Variants in BIN1 observed in about 807,000 individuals in gnomAD.
The protein encoded by BIN1 is bridging integrator 1.
A neutral mutation model predicts 82.0 loss-of-function variants in BIN1; 53 were observed. The observed-to-expected ratio is 0.65, with a 90% CI of 0.52 to 0.81. The LOEUF (loss-of-function observed/expected upper bound fraction) is 0.81, where lower values mean the gene tolerates loss of function less well. Among genes scored for constraint, BIN1 ranks in the 40% least tolerant of loss-of-function variants. BIN1 has a pLI of 0.00. For missense variants in BIN1, 642 were observed against 784.4 expected (o/e 0.82, Z 2.17); for synonymous variants, 302 against 328.0 (o/e 0.92, Z 0.86).
intron 1 of BIN1, among the ~76,000 whole-genome samples, chr2:127,094,808 TGGCCCCA>T (rs1679379887): frequency 6.6e-6 from 1 of 152,202 alleles, no homozygotes; most frequent in Non-Finnish European, 1.5e-5. Flanking sequence ...CTTCTGAAGT[TGGCCCCA>T]GGCCAGAACA....
In BIN1 at chr2:127,068,053, C is replaced by A; in HGVS notation, c.612+110G>T. ...TCTCCCAGCAGAGGCCTTTGAAAAACCCTGCCCCAGCTGGGCTCAGATGCC... is the reference window on the plus strand; with the variant it reads ...TCTCCCAGCAGAGGCCTTTGAAAAAACCTGCCCCAGCTGGGCTCAGATGCC... On this transcript the variant is annotated intron_variant, in intron 7 of 18. Coordinates refer to ENST00000316724, the MANE Select transcript of BIN1 (RefSeq NM_139343.3). This position sits in a 1 kb window ranked among gnomAD's most constrained non-coding sequence, Gnocchi z 4.9. 1 of 1,162,110 alleles carries A rather than the reference C, an allele frequency of 8.6e-7. No individual in the cohort carries two copies. Among genetic ancestry groups the A allele is most frequent in the South Asian group, 1.3e-5 (1 of 76,110 alleles). The allele number at this position is 1,162,110 out of a possible 1,614,324, so 72.0% of individuals were successfully genotyped here. A position where few individuals can be genotyped will look rare whatever the true frequency, so the allele number is the denominator to read the frequency against.
At chr2:127,084,421 G>A (rs778647536) in intron 1 of BIN1, among the ~76,000 whole-genome samples, 1 of 152,150 alleles carries the variant, frequency 6.6e-6, no homozygotes, top group African/African-American at 2.4e-5. Context: ...GGGAGGTTTC[G>A]GACACGTCCT....
In BIN1 at chr2:127,076,592, A is replaced by T. The variant is rs777263940; in HGVS notation, c.165+34T>A. ...TTTCACCTGGCAGCCGAATTTTCAC[A>T]AACTCCCTAAGGCCAAGGGCCACCC... On this transcript the variant is annotated intron_variant, in intron 2 of 18. Coordinates refer to ENST00000316724, the MANE Select transcript of BIN1 (RefSeq NM_139343.3). The T allele has an allele frequency of 3.7e-6, 6 of 1,613,640 alleles. No homozygotes were observed. The African/African-American group carries it at 8.0e-5, about 22-fold the overall frequency.
intron 1 of BIN1, among the ~76,000 whole-genome samples, chr2:127,086,974 A>T (rs564695743): frequency 6.6e-6 from 1 of 152,288 alleles, no homozygotes; most frequent in Admixed American, 6.5e-5. Context: ...TGACTGAGGA[A>T]GCTGCCTGGC....
At chr2:127,077,783 AC>A (rs1344672915) in intron 1 of BIN1, among the ~76,000 whole-genome samples, 1 of 152,120 alleles carries the variant, frequency 6.6e-6, no homozygotes, top group Admixed American at 6.5e-5. Flanking sequence ...GGCGGGACAC[AC>A]CCGTCTGCAG....
chr2:127,050,381 G>A, intron 18 of BIN1, 40 bp downstream of exon 18: 1 of 1,605,678 alleles, frequency 6.2e-7, no homozygotes, highest in East Asian at 2.2e-5. Context: ...CAGGATGCCT[G>A]TGGTCCCCCT....
intron 1 of BIN1, among the ~76,000 whole-genome samples, chr2:127,102,164 G>A (rs537912317): frequency 9.2e-5 from 14 of 152,206 alleles, no homozygotes; most frequent in Non-Finnish European, 1.8e-4. Context: ...GTGCACGCCT[G>A]TGCATGCTGT....
chr2:127,105,448 C>A (rs1680928181), intron 1 of BIN1, among the ~76,000 whole-genome samples: 1 of 150,806 alleles, frequency 6.6e-6, no homozygotes, highest in African/African-American at 2.4e-5. Context: ...CCCCAGCCAG[C>A]TATTCCTGGG....
At chr2:127,074,266 A>G (rs1573672845) in intron 2 of BIN1, among the ~76,000 whole-genome samples, 1 of 151,604 alleles carries the variant, frequency 6.6e-6, no homozygotes, top group African/African-American at 2.4e-5. Context: ...CCTTCACCCC[A>G]TTCCTTCCTG....
chr2:127,096,500 C>T (rs549675516), intron 1 of BIN1, among the ~76,000 whole-genome samples: 13 of 152,344 alleles, frequency 8.5e-5, no homozygotes, highest in African/African-American at 2.9e-4. Context: ...ACTTGCCCAG[C>T]GCCACACAGC....
In BIN1 at chr2:127,053,534, C is replaced by T. The variant is rs370492816; in HGVS notation, c.1240-89G>A. 5.0e-5 allele frequency: 76 copies of T among 1,524,846 alleles called. No individual in the cohort carries two copies. The African/African-American group carries it at 8.3e-4, about 17-fold the overall frequency. 94.5% of individuals were successfully genotyped at this position (1,524,846 alleles called of 1,614,324 possible). ...AGTCCCCAGGGACCCTACCCCCGCTCGCCCCAGGCCATCCAGCCCAGCAGG... is the reference window on the plus strand; with the variant it reads ...AGTCCCCAGGGACCCTACCCCCGCTTGCCCCAGGCCATCCAGCCCAGCAGG... On this transcript the variant is annotated intron_variant, in intron 13 of 18. Coordinates refer to ENST00000316724, the MANE Select transcript of BIN1 (RefSeq NM_139343.3).
At chr2:127,099,942 T>C (rs1289919460) in intron 1 of BIN1, among the ~76,000 whole-genome samples, 1 of 151,424 alleles carries the variant, frequency 6.6e-6, no homozygotes, top group Non-Finnish European at 1.5e-5. Flanking sequence ...TAGCTGGGAT[T>C]ACAAGCGCCG....
At chr2:127,050,701 T>C in intron 17 of BIN1, 101 bp downstream of exon 17, 2 of 1,426,824 alleles carry the variant, frequency 1.4e-6, no homozygotes, top group East Asian at 2.3e-5. Context: ...TAGTAGCGCC[T>C]GCACAACTTT....
intron 13 of BIN1, 105 bp from the exon 14 acceptor site, chr2:127,053,550 G>A: frequency 6.9e-7 from 1 of 1,456,516 alleles, no homozygotes; most frequent in Non-Finnish European, 9.4e-7. Flanking sequence ...AGGCCATCCA[G>A]CCCAGCAGGC....
intron 1 of BIN1, among the ~76,000 whole-genome samples, chr2:127,089,157 G>T (rs1359405804): frequency 6.6e-6 from 1 of 152,150 alleles, no homozygotes; most frequent in African/African-American, 2.4e-5. Flanking sequence ...ACTCCCCAGG[G>T]TCACGCAGCC....
Position 127,070,023 on chromosome 2 carries a change from G to A in BIN1, c.383C>T (p.Thr128Met), listed in dbSNP as rs756882994. ...LVDQALLTMD[T>M]YLGQFPDIKS... is the part of the protein sequence containing the mutation. Reference sequence around the variant, plus strand: ...GATGTCGGGGAACTGGCCCAGGTACGTGTCCATGGTCAGCAGCGCCTGGTC... The same window carrying A: ...GATGTCGGGGAACTGGCCCAGGTACATGTCCATGGTCAGCAGCGCCTGGTC... Residue 128 changes from threonine to methionine, a missense_variant, in exon 5 of 19, where the codon ACG becomes ATG. Coordinates refer to ENST00000316724, the MANE Select transcript of BIN1 (RefSeq NM_139343.3). 5 of 1,613,996 alleles carry A rather than the reference G, an allele frequency of 3.1e-6. No individual in the cohort carries two copies. Among genetic ancestry groups the A allele is most frequent in the African/African-American group, 2.7e-5 (2 of 74,948 alleles).
intron 1 of BIN1, among the ~76,000 whole-genome samples, chr2:127,095,754 T>C (rs1321851160): frequency 6.6e-6 from 1 of 152,158 alleles, no homozygotes; most frequent in East Asian, 1.9e-4. Context: ...GATGGGGCCA[T>C]GGTTTGGTCC....
chr2:127,089,641 C>A (rs921123534), intron 1 of BIN1, among the ~76,000 whole-genome samples: 19 of 152,238 alleles, frequency 1.2e-4, no homozygotes, highest in Admixed American at 5.9e-4. Context: ...CCGGCCCCAC[C>A]CACCTGCCCC....
chr2:127,091,408 C>T (rs544332915), intron 1 of BIN1, among the ~76,000 whole-genome samples: 22 of 152,356 alleles, frequency 1.4e-4, no homozygotes, highest in African/African-American at 4.8e-4. Context: ...CCATCTTTGC[C>T]GATGCAGAAA....
Sources: allele counts gnomAD v4.1 joint callset (sites outside exome capture counted in the v4.1 genomes callset), GRCh38; gene constraint gnomAD v4.1.1; non-coding constraint Gnocchi (gnomAD v3.1); transcripts MANE v1.5; gene names NCBI Gene and HGNC (gene_info 2026-07-23, HGNC 2026-07-21).